CEP112: variants seen among roughly 807,000 people sequenced by gnomAD.
CEP112 encodes the protein centrosomal protein of 112 kDa.
In CEP112, 127 loss-of-function variants were observed where a neutral mutation model predicts 153.0. The observed-to-expected ratio is 0.83, with a 90% CI of 0.72 to 0.96. The LOEUF (loss-of-function observed/expected upper bound fraction) is 0.96, where lower values mean the gene tolerates loss of function less well. CEP112 is among the 40% of genes least tolerant of loss of function. The pLI, the probability that CEP112 is intolerant of heterozygous loss-of-function variation, is 0.00. For synonymous variants in CEP112, 358 were observed against 374.4 expected (o/e 0.96, Z 0.51); for missense variants, 1,089 against 1,101.2 (o/e 0.99, Z 0.16).
chr17:65,676,642 G>A (rs2047248493), intron 24 of CEP112, among the ~76,000 whole-genome samples: 1 of 152,140 alleles, frequency 6.6e-6, no homozygotes, highest in African/African-American at 2.4e-5. Context: ...CATATAGTAG[G>A]TGCTCAGTAA....
intron 6 of CEP112, among the ~76,000 whole-genome samples, chr17:66,119,516 T>C (rs1478876158): frequency 6.6e-6 from 1 of 152,192 alleles, no homozygotes. Context: ...TTCAATATAA[T>C]ATATTTGAAA....
At chr17:65,922,876 C>T (rs1052774826) in intron 19 of CEP112, among the ~76,000 whole-genome samples, 1 of 152,010 alleles carries the variant, frequency 6.6e-6, no homozygotes, top group East Asian at 1.9e-4. Flanking sequence ...TTTTTATTTA[C>T]ATTTGATTAT....
intron 18 of CEP112, among the ~76,000 whole-genome samples, chr17:65,959,093 C>T (rs531369395): frequency 2.0e-5 from 3 of 151,848 alleles, no homozygotes; most frequent in Non-Finnish European, 4.4e-5. Flanking sequence ...GCAGAGACAT[C>T]GGGACCACCA....
Position 65,827,424 on chromosome 17 carries a change from C to CTT in CEP112, c.2394+24378_2394+24379dup, listed in dbSNP as rs1026214773. On this transcript the variant is annotated intron_variant, in intron 21 of 26. Transcript: ENST00000535342. ...AATCCATCAGAAAATCATATTTACT[C>CTT]TTACTTAAAGTATATTTTAAAAATA... 1.7e-4 allele frequency among the ~76,000 whole-genome samples: 26 copies of CTT among 152,288 alleles called. 1 individual carries two copies. The highest frequency in any genetic ancestry group is 6.3e-4 in the African/African-American group (26 of 41,546).
chr17:65,866,019 G>A (rs1188404975), intron 20 of CEP112, among the ~76,000 whole-genome samples: 1 of 152,060 alleles, frequency 6.6e-6, no homozygotes, highest in African/African-American at 2.4e-5. Context: ...GTGGACCTGG[G>A]CCTCCCTGTG....
At chr17:65,986,104 G>A (rs1040731670) in intron 17 of CEP112, among the ~76,000 whole-genome samples, 8 of 151,968 alleles carry the variant, frequency 5.3e-5, no homozygotes, top group African/African-American at 1.9e-4. Flanking sequence ...TAGATAAAAT[G>A]ATATCTGGCT....
intron 19 of CEP112, among the ~76,000 whole-genome samples, chr17:65,916,324 G>A (rs1052907745): frequency 4.0e-5 from 6 of 150,308 alleles, no homozygotes; most frequent in Non-Finnish European, 8.9e-5. Flanking sequence ...GGTGGGTAGT[G>A]GTAGTGTTTT....
intron 2 of CEP112, among the ~76,000 whole-genome samples, chr17:66,179,453 G>A (rs2072624155): frequency 6.6e-6 from 1 of 151,856 alleles, no homozygotes; most frequent in Admixed American, 6.6e-5. Context: ...TGTAGCAATT[G>A]GAAATGAGAT....
intron 24 of CEP112, among the ~76,000 whole-genome samples, chr17:65,674,249 A>C (rs749109100): frequency 9.8e-5 from 15 of 152,366 alleles, no homozygotes; most frequent in Non-Finnish European, 2.2e-4. Flanking sequence ...CAAGCAATTC[A>C]TGGAAATGCA....
At chr17:65,991,774 T>A (rs1318434770) in intron 17 of CEP112, among the ~76,000 whole-genome samples, 1 of 152,108 alleles carries the variant, frequency 6.6e-6, no homozygotes, top group Non-Finnish European at 1.5e-5. Context: ...AATATTACTA[T>A]TAATTTCTTG....
intron 20 of CEP112, among the ~76,000 whole-genome samples, chr17:65,877,861 C>T (rs529025562): frequency 6.6e-6 from 1 of 152,222 alleles, no homozygotes; most frequent in East Asian, 1.9e-4. Flanking sequence ...GAATATTATT[C>T]ACCCTTAAAT....
At chr17:65,715,037 A>C (rs1041808593) in intron 23 of CEP112, among the ~76,000 whole-genome samples, 3 of 152,072 alleles carry the variant, frequency 2.0e-5, no homozygotes, top group African/African-American at 7.2e-5. Context: ...TCCAGGGGAG[A>C]AGTAGTAAGT....
intron 12 of CEP112, among the ~76,000 whole-genome samples, chr17:66,047,200 C>G (rs1441901639): frequency 6.6e-6 from 1 of 152,014 alleles, no homozygotes; most frequent in Non-Finnish European, 1.5e-5. Context: ...CACTGCAACC[C>G]CTGCCTCCTG....
At chr17:66,112,922 G>A (rs922884369) in intron 6 of CEP112, among the ~76,000 whole-genome samples, 1 of 151,900 alleles carries the variant, frequency 6.6e-6, no homozygotes, top group African/African-American at 2.4e-5. Flanking sequence ...CTCCAGCCTG[G>A]GTGCCAGAGT....
At chr17:65,786,039 T>G (rs182508764) in intron 21 of CEP112, among the ~76,000 whole-genome samples, 3 of 152,340 alleles carry the variant, frequency 2.0e-5, no homozygotes, top group African/African-American at 7.2e-5. Context: ...CAACGTTAAG[T>G]TTTCTGATCT....
At chr17:65,822,014 TA>T (rs2056613673) in intron 21 of CEP112, among the ~76,000 whole-genome samples, 1 of 152,018 alleles carries the variant, frequency 6.6e-6, no homozygotes, top group Non-Finnish European at 1.5e-5. Context: ...GCAAAATTTT[TA>T]AAATATTTAA....
intron 4 of CEP112, among the ~76,000 whole-genome samples, chr17:66,154,024 C>G (rs967010244): frequency 1.5e-5 from 2 of 135,222 alleles, no homozygotes; most frequent in Admixed American, 7.3e-5. Flanking sequence ...AAAAAAAATA[C>G]AAAAATCAGC....
At chr17:66,054,223 A>G (rs2066579347) in intron 11 of CEP112, among the ~76,000 whole-genome samples, 1 of 152,206 alleles carries the variant, frequency 6.6e-6, no homozygotes, top group Admixed American at 6.5e-5. Flanking sequence ...CAGAAACATT[A>G]TAATATTGTA....
chr17:65,728,988 A>T (rs374720676), intron 23 of CEP112, among the ~76,000 whole-genome samples: 1 of 152,214 alleles, frequency 6.6e-6, no homozygotes, highest in African/African-American at 2.4e-5. Flanking sequence ...TTAAAAAAAA[A>T]TTTAAACTTT....
Sources: allele counts gnomAD v4.1 joint callset (sites outside exome capture counted in the v4.1 genomes callset), GRCh38; gene constraint gnomAD v4.1.1; transcripts MANE v1.5; gene names NCBI Gene and HGNC (gene_info 2026-07-23, HGNC 2026-07-21).